The following PHF14 variants were observed in gnomAD, a reference collection of about 807,000 sequenced individuals.
The protein encoded by PHF14 is PHD finger protein 14.
Under a neutral mutation model 117.9 loss-of-function variants are expected in PHF14, and 55 were observed. The ratio of observed to expected loss-of-function variants is 0.47; its 90% CI spans 0.38 to 0.58. PHF14 has a LOEUF of 0.58. PHF14 is among the 20% of genes least tolerant of loss of function. PHF14 has a pLI of 0.00. For synonymous variants in PHF14, 409 were observed against 368.6 expected, an observed-to-expected ratio of 1.11 and a Z score of -1.26; for missense variants, 978 against 1,122.2, an observed-to-expected ratio of 0.87 and a Z score of 1.84.
intron 17 of PHF14, among the ~76,000 whole-genome samples, chr7:11,153,939 CTG>C (rs975709011): frequency 6.5e-5 from 9 of 138,530 alleles, no homozygotes; most frequent in African/African-American, 2.5e-4. Context: ...TGGTCCCTGT[CTG>C]TGTGTGCGTG....
chr7:11,111,538 T>C, intron 17 of PHF14, 71 bp downstream of exon 17: 1 of 724,992 alleles, frequency 1.4e-6, no homozygotes, highest in Non-Finnish European at 2.4e-6. Context: ...GTCACACAAT[T>C]AGCTTCTTTA....
chr7:11,017,586 G>A (rs116160071), intron 5 of PHF14, among the ~76,000 whole-genome samples: 3,921 of 152,000 alleles, frequency 0.026, 132 homozygotes, highest in East Asian at 0.1. Context: ...TCTTTTGTCT[G>A]TTTTTAATCA....
chr7:11,113,474 T>C (rs1166451012), intron 17 of PHF14, among the ~76,000 whole-genome samples: 1 of 152,192 alleles, frequency 6.6e-6, no homozygotes, highest in Admixed American at 6.6e-5. Flanking sequence ...TGAATACCAA[T>C]ATAAACAACT....
chr7:11,023,442 G>A (rs1562425180), intron 6 of PHF14, among the ~76,000 whole-genome samples: 1 of 152,172 alleles, frequency 6.6e-6, no homozygotes, highest in African/African-American at 2.4e-5. Context: ...TATATGTTAT[G>A]TGTGTTCTGA....
At chr7:11,105,207 C>T (rs1437824145) in intron 16 of PHF14, 2 of 961,754 alleles carry the variant, frequency 2.1e-6, no homozygotes, top group South Asian at 4.8e-5. Context: ...TCCATCTTAA[C>T]TTTAGAAATT....
At chr7:11,110,027 G>A (rs753616624) in intron 16 of PHF14, 3 of 151,702 alleles carry the variant, frequency 2.0e-5, no homozygotes, top group Non-Finnish European at 4.4e-5. Context: ...TAACTTTTCT[G>A]GAACTCTTGA....
chr7:11,097,494 C>T (rs1220823713), intron 16 of PHF14, among the ~76,000 whole-genome samples: 1 of 152,042 alleles, frequency 6.6e-6, no homozygotes, highest in Non-Finnish European at 1.5e-5. Flanking sequence ...CATTTGAAAT[C>T]ACAATTTAAT....
chr7:11,023,877 C>G (rs893236642), intron 6 of PHF14, among the ~76,000 whole-genome samples: 12 of 152,110 alleles, frequency 7.9e-5, no homozygotes, highest in African/African-American at 2.9e-4. Flanking sequence ...ACAGTGGCCT[C>G]TAAGTGTTCA....
At chr7:10,986,514 G>C (rs1243064571) in intron 3 of PHF14, among the ~76,000 whole-genome samples, 1 of 152,190 alleles carries the variant, frequency 6.6e-6, no homozygotes, top group Non-Finnish European at 1.5e-5. Context: ...CCTACTGAAA[G>C]AGAGTTCACT....
intron 17 of PHF14, among the ~76,000 whole-genome samples, chr7:11,113,138 C>T (rs998112011): frequency 6.6e-6 from 1 of 151,912 alleles, no homozygotes; most frequent in Admixed American, 6.6e-5. Flanking sequence ...TAGGATTTCC[C>T]ACCTTTTTTA....
chr7:11,124,234 G>T (rs1787856188), intron 17 of PHF14, among the ~76,000 whole-genome samples: 1 of 151,888 alleles, frequency 6.6e-6, no homozygotes, highest in Non-Finnish European at 1.5e-5. Context: ...CTACATTTCT[G>T]CTCATGTTTT....
At chr7:11,129,994 T>C (rs998955016) in intron 17 of PHF14, among the ~76,000 whole-genome samples, 2 of 152,028 alleles carry the variant, frequency 1.3e-5, no homozygotes, top group Non-Finnish European at 2.9e-5. Flanking sequence ...ATATGCTAAG[T>C]TATGCAGCAA....
intron 4 of PHF14, among the ~76,000 whole-genome samples, chr7:10,996,487 A>T (rs1419346510): frequency 6.6e-6 from 1 of 152,200 alleles, no homozygotes; most frequent in East Asian, 1.9e-4. Context: ...CTGTTTCAAA[A>T]AGAGAGTCAG....
chr7:10,987,137 T>C (rs73678540), intron 3 of PHF14, among the ~76,000 whole-genome samples: 2,053 of 152,292 alleles, frequency 0.013, 46 homozygotes, highest in African/African-American at 0.047. Flanking sequence ...ATCAGTTGTC[T>C]TTTTACACAT....
intron 16 of PHF14, among the ~76,000 whole-genome samples, chr7:11,068,227 A>T (rs1287622049): frequency 6.9e-6 from 1 of 144,888 alleles, no homozygotes; most frequent in African/African-American, 2.9e-5. Flanking sequence ...GGTGGGCACC[A>T]GTAGTCCCAG....
intron 5 of PHF14, among the ~76,000 whole-genome samples, chr7:11,014,241 T>C (rs1215110767): frequency 1.3e-5 from 2 of 152,138 alleles, no homozygotes; most frequent in African/African-American, 4.8e-5. Context: ...CACAAACTGG[T>C]GAATGGTCAA....
chr7:11,005,777 A>G (rs1783059796), intron 4 of PHF14, among the ~76,000 whole-genome samples: 1 of 150,884 alleles, frequency 6.6e-6, no homozygotes, highest in African/African-American at 2.4e-5. Flanking sequence ...GATACCTAGA[A>G]GTAAAAATTC....
intron 13 of PHF14, among the ~76,000 whole-genome samples, chr7:11,050,862 C>G: frequency 6.6e-6 from 1 of 152,020 alleles, no homozygotes; most frequent in East Asian, 1.9e-4. Flanking sequence ...TCCCCCAACA[C>G]TTCTTGGAGT....
At chr7:11,067,505 C>T (rs1279859558) in intron 16 of PHF14, among the ~76,000 whole-genome samples, 1 of 152,152 alleles carries the variant, frequency 6.6e-6, no homozygotes, top group African/African-American at 2.4e-5. Flanking sequence ...GATAATTGAA[C>T]ACCTGTTTTC....
Sources: allele counts gnomAD v4.1 joint callset (sites outside exome capture counted in the v4.1 genomes callset), GRCh38; gene constraint gnomAD v4.1.1; transcripts MANE v1.5; gene names NCBI Gene and HGNC (gene_info 2026-07-23, HGNC 2026-07-21).